Variants in CTNND2 observed in about 807,000 individuals in gnomAD.
The protein encoded by CTNND2 is catenin delta 2.
Under a neutral mutation model 144.4 loss-of-function variants are expected in CTNND2, and 22 were observed. That is an observed-to-expected ratio of 0.15 (90% CI 0.11 to 0.22). CTNND2 has a LOEUF of 0.22. Ranked by LOEUF, CTNND2 falls within the 10% of genes least tolerant of loss-of-function variation. The pLI is 1.00. For missense variants in CTNND2, 1,353 were observed against 1,618.8 expected (o/e 0.84, Z 2.82); for synonymous variants, 751 against 695.6 (o/e 1.08, Z -1.25).
At chr5:11,870,259 T>C (rs1479073686) in intron 1 of CTNND2, among the ~76,000 whole-genome samples, 1 of 152,148 alleles carries the variant, frequency 6.6e-6, no homozygotes, top group Non-Finnish European at 1.5e-5. Context: ...AGCTGGGTGG[T>C]GGAGTTCTGC....
At chr5:11,303,862 CAT>C (rs968942337) in intron 9 of CTNND2, among the ~76,000 whole-genome samples, 1 of 152,192 alleles carries the variant, frequency 6.6e-6, no homozygotes, top group African/African-American at 2.4e-5. Context: ...ATAATTCCCA[CAT>C]GTTGTGGGAG....
intron 16 of CTNND2, among the ~76,000 whole-genome samples, chr5:11,060,214 G>C (rs1006490829): frequency 7.9e-5 from 12 of 152,096 alleles, no homozygotes; most frequent in Non-Finnish European, 1.5e-4. Context: ...ATTTATAAAG[G>C]TACTAGCAAA....
At chr5:11,599,627 A>G (rs140660007) in intron 2 of CTNND2, among the ~76,000 whole-genome samples, 17 of 152,296 alleles carry the variant, frequency 1.1e-4, no homozygotes, top group African/African-American at 3.4e-4. Context: ...TAAAATCCCA[A>G]ACAAGTAGAA....
At chr5:11,255,606 G>C (rs976755686) in intron 9 of CTNND2, among the ~76,000 whole-genome samples, 1 of 151,704 alleles carries the variant, frequency 6.6e-6, no homozygotes, top group Admixed American at 6.6e-5. Flanking sequence ...GACCACAAAG[G>C]TTACGCATTC....
At chr5:11,806,391 T>C (rs6894624) in intron 1 of CTNND2, among the ~76,000 whole-genome samples, 147,645 of 152,276 alleles carry the variant, frequency 0.97, 71,722 homozygotes, top group East Asian at 1. Flanking sequence ...AAATCAATAG[T>C]AACTAACGCT....
intron 9 of CTNND2, among the ~76,000 whole-genome samples, chr5:11,329,499 A>G (rs1752867099): frequency 6.6e-6 from 1 of 152,120 alleles, no homozygotes; most frequent in Non-Finnish European, 1.5e-5. Flanking sequence ...ATACAGTCAC[A>G]TTCTGAGGTA....
intron 12 of CTNND2, among the ~76,000 whole-genome samples, chr5:11,139,251 A>AAT (rs750445722): frequency 1.6e-4 from 25 of 152,178 alleles, no homozygotes; most frequent in Non-Finnish European, 3.2e-4. Context: ...ATGAGCGACC[A>AAT]CACCCGGCCA....
Position 11,394,019 on chromosome 5 carries a change from C to T in CTNND2, c.612+3012G>A, listed in dbSNP as rs372803720. On this transcript the variant is annotated intron_variant, in intron 6 of 21. Coordinates refer to ENST00000304623, the MANE Select transcript of CTNND2 (RefSeq NM_001332.4). ...ATGCCAGGCTGCCCCATCCAGGGGCCACAGCATTTGCTGTGCAGAGGGAGC... is the reference window on the plus strand; with the variant it reads ...ATGCCAGGCTGCCCCATCCAGGGGCTACAGCATTTGCTGTGCAGAGGGAGC... Among the ~76,000 whole-genome samples, 107 of 152,212 alleles carry T rather than the reference C, an allele frequency of 7.0e-4. 1 individual carries two copies. Among genetic ancestry groups the T allele is most frequent in the African/African-American group, 2.1e-3 (86 of 41,548 alleles).
intron 9 of CTNND2, among the ~76,000 whole-genome samples, chr5:11,244,934 C>T (rs376943853): frequency 6.6e-6 from 1 of 152,178 alleles, no homozygotes; most frequent in East Asian, 1.9e-4. Flanking sequence ...ATTAATTATA[C>T]CCAAGTTTTC....
At chr5:11,053,368 A>G (rs1428534083) in intron 16 of CTNND2, among the ~76,000 whole-genome samples, 2 of 152,364 alleles carry the variant, frequency 1.3e-5, no homozygotes, top group South Asian at 2.1e-4. Context: ...AGCATATTCA[A>G]TACTGAAGAG....
intron 1 of CTNND2, among the ~76,000 whole-genome samples, chr5:11,763,463 T>A (rs925687886): frequency 6.6e-6 from 1 of 152,218 alleles, no homozygotes; most frequent in Non-Finnish European, 1.5e-5. Context: ...TGACCCATTC[T>A]GCACAGGTTA....
intron 1 of CTNND2, among the ~76,000 whole-genome samples, chr5:11,773,864 A>T (rs1253674149): frequency 6.6e-6 from 1 of 151,238 alleles, no homozygotes; most frequent in Admixed American, 6.6e-5. Context: ...TAACCAATCA[A>T]TTTTAAAAGG....
intron 2 of CTNND2, among the ~76,000 whole-genome samples, chr5:11,665,499 A>T (rs1323067770): frequency 2.0e-5 from 3 of 152,162 alleles, no homozygotes; most frequent in Non-Finnish European, 4.4e-5. Context: ...TAGGGATTTC[A>T]CTTGAGGAGA....
intron 2 of CTNND2, among the ~76,000 whole-genome samples, chr5:11,630,029 T>C (rs1303907478): frequency 1.3e-5 from 2 of 152,178 alleles, no homozygotes; most frequent in Non-Finnish European, 2.9e-5. Flanking sequence ...TTCTTAAATG[T>C]TCCATATGGT....
intron 1 of CTNND2, among the ~76,000 whole-genome samples, chr5:11,844,310 G>T (rs1794631163): frequency 6.6e-6 from 1 of 152,082 alleles, no homozygotes; most frequent in African/African-American, 2.4e-5. Flanking sequence ...TTCATAGAGA[G>T]ATCTAACGTG....
At chr5:11,013,364 T>G (rs551299320) in intron 18 of CTNND2, among the ~76,000 whole-genome samples, 3 of 152,356 alleles carry the variant, frequency 2.0e-5, no homozygotes, top group Admixed American at 6.5e-5. Context: ...AATTTTCTAA[T>G]TATATAGATA....
At chr5:11,200,710 G>A (rs1381450493) in intron 10 of CTNND2, among the ~76,000 whole-genome samples, 1 of 151,600 alleles carries the variant, frequency 6.6e-6, no homozygotes, top group African/African-American at 2.4e-5. Flanking sequence ...ACAGAGTCTC[G>A]CTCTGTCACC....
chr5:11,287,480 T>C (rs1477513496), intron 9 of CTNND2, among the ~76,000 whole-genome samples: 1 of 152,198 alleles, frequency 6.6e-6, no homozygotes, highest in Non-Finnish European at 1.5e-5. Context: ...TTTTTGTTGG[T>C]TGTGTTTCTT....
At chr5:11,507,989 T>A (rs903270126) in intron 3 of CTNND2, among the ~76,000 whole-genome samples, 1 of 24,138 alleles carries the variant, frequency 4.1e-5, no homozygotes, top group African/African-American at 4.7e-4. Context: ...AGAAATGGAT[T>A]TTTTTTTTTT....
Sources: allele counts gnomAD v4.1 joint callset (sites outside exome capture counted in the v4.1 genomes callset), GRCh38; gene constraint gnomAD v4.1.1; transcripts MANE v1.5; gene names NCBI Gene and HGNC (gene_info 2026-07-23, HGNC 2026-07-21).